ARSG: variants seen among roughly 807,000 people sequenced by gnomAD.
The protein encoded by ARSG is arylsulfatase G, also known as ASG.
In ARSG, 37 loss-of-function variants were observed where a neutral mutation model predicts 50.5. That is an observed-to-expected ratio of 0.73 (90% CI 0.56 to 0.96). ARSG has a LOEUF of 0.96. Among genes scored for constraint, ARSG ranks in the 50% least tolerant of loss-of-function variants. The pLI, the probability that ARSG is intolerant of heterozygous loss-of-function variation, is 0.00. For synonymous variants in ARSG, 225 were observed against 254.6 expected, an observed-to-expected ratio of 0.88 and a Z score of 1.11; for missense variants, 629 against 675.3, an observed-to-expected ratio of 0.93 and a Z score of 0.76.
chr17:68,411,427 A>G (rs2081990101), intron 11 of ARSG, among the ~76,000 whole-genome samples: 2 of 152,236 alleles, frequency 1.3e-5, no homozygotes, highest in South Asian at 4.1e-4. Context: ...CATGTAGTTG[A>G]GCGGTTTTGA....
chr17:68,320,304 G>A (rs1176005972), intron 2 of ARSG, among the ~76,000 whole-genome samples: 1 of 151,102 alleles, frequency 6.6e-6, no homozygotes, highest in Admixed American at 6.6e-5. Context: ...AAAAAAAAAA[G>A]ATAGTGCCGT....
At chr17:68,433,375 T>C in the ARSG span, 1 of 1,176,126 alleles carries the variant, frequency 8.5e-7, no homozygotes, top group Non-Finnish European at 1.3e-6. Flanking sequence ...AGATTGGGTG[T>C]TCAGAAAGAA....
At chr17:68,449,120 AAGAC>A in the ARSG span, among the ~76,000 whole-genome samples, 73 of 152,374 alleles carry the variant, frequency 4.8e-4, no homozygotes, top group Middle Eastern at 3.4e-3. Context: ...AGTTTAGACA[AAGAC>A]AGAAGAAAAC....
At chr17:68,371,316 CAAAA>C (rs35873473) in intron 8 of ARSG, among the ~76,000 whole-genome samples, 2 of 86,184 alleles carry the variant, frequency 2.3e-5, no homozygotes, top group East Asian at 4.1e-4. Flanking sequence ...GACTCCGTCT[CAAAA>C]AAAAAAAAAA....
chr17:68,263,911 G>A (rs1264186874), intron 1 of ARSG, among the ~76,000 whole-genome samples: 4 of 152,074 alleles, frequency 2.6e-5, no homozygotes, highest in African/African-American at 9.7e-5. Context: ...AGGCTAGGGT[G>A]CAGTGGCGTG....
chr17:68,280,805 CAG>C (rs1434924977), intron 1 of ARSG, among the ~76,000 whole-genome samples: 1 of 152,112 alleles, frequency 6.6e-6, no homozygotes, highest in African/African-American at 2.4e-5. Context: ...TTAAGCTAAA[CAG>C]ATTCTGCGCA....
At chr17:68,388,548 G>C (rs758473303) in intron 9 of ARSG, among the ~76,000 whole-genome samples, 1 of 152,150 alleles carries the variant, frequency 6.6e-6, no homozygotes, top group East Asian at 1.9e-4. Flanking sequence ...CCTCTGCTCC[G>C]AATGAGGATC....
At chr17:68,285,895 G>T (rs1312218109) in intron 1 of ARSG, among the ~76,000 whole-genome samples, 1 of 152,074 alleles carries the variant, frequency 6.6e-6, no homozygotes, top group Non-Finnish European at 1.5e-5. Flanking sequence ...AAGTAGCTGG[G>T]ATTACAGACG....
intron 6 of ARSG, 139 bp downstream of exon 6, chr17:68,356,943 C>T: frequency 9.6e-7 from 1 of 1,040,708 alleles, no homozygotes; most frequent in Non-Finnish European, 1.4e-6. Context: ...ATACATGTCT[C>T]CTATAAGTAA....
intron 1 of ARSG, among the ~76,000 whole-genome samples, chr17:68,279,499 G>A (rs2075626468): frequency 6.6e-6 from 1 of 152,074 alleles, no homozygotes. Flanking sequence ...TAGTATATTA[G>A]CAATTGAATT....
At chr17:68,294,909 T>A (rs782628311) in intron 1 of ARSG, among the ~76,000 whole-genome samples, 3 of 152,058 alleles carry the variant, frequency 2.0e-5, no homozygotes, top group Non-Finnish European at 4.4e-5. Context: ...AACACACACT[T>A]CTGGGAGAAT....
chr17:68,315,699 C>T (rs2077044172), intron 2 of ARSG, among the ~76,000 whole-genome samples: 1 of 152,096 alleles, frequency 6.6e-6, no homozygotes, highest in Admixed American at 6.6e-5. Context: ...GTGGCGCGAT[C>T]TTGGCTCACT....
downstream of ARSG, chr17:68,421,720 C>A: frequency 6.2e-7 from 1 of 1,613,586 alleles, no homozygotes; most frequent in Non-Finnish European, 8.5e-7. Flanking sequence ...TCCTTGTTTT[C>A]TCCAAAACCA....
the ARSG span, among the ~76,000 whole-genome samples, chr17:68,443,161 A>G: frequency 1.3e-5 from 2 of 152,048 alleles, no homozygotes; most frequent in Non-Finnish European, 2.9e-5. Context: ...CCCAGGCTGG[A>G]GTGCAGTGGT....
At chr17:68,409,273 T>G (rs1470337044) in intron 11 of ARSG, among the ~76,000 whole-genome samples, 3 of 143,450 alleles carry the variant, frequency 2.1e-5, no homozygotes, top group Non-Finnish European at 4.5e-5. Flanking sequence ...TTTAAGTCTT[T>G]AATCCATCTT....
chr17:68,391,717 G>A (rs931369959), intron 9 of ARSG, among the ~76,000 whole-genome samples: 6 of 152,128 alleles, frequency 3.9e-5, no homozygotes, highest in African/African-American at 9.7e-5. Context: ...TTTGCTTTCC[G>A]GTATGTGGCA....
chr17:68,424,524 G>C (rs765045345), downstream of ARSG: 49 of 533,658 alleles, frequency 9.2e-5, no homozygotes, highest in Middle Eastern at 6.3e-4. Flanking sequence ...CATTGTTTCA[G>C]TGCCCAAGTG....
chr17:68,437,016 A>ATATATATATG, the ARSG span, among the ~76,000 whole-genome samples: 18 of 144,578 alleles, frequency 1.2e-4, no homozygotes, highest in Non-Finnish European at 2.0e-4. Flanking sequence ...ATATATATAT[A>ATATATATATG]TGTGTGTGTG....
At chr17:68,302,498 G>A (rs1053225131) in intron 1 of ARSG, among the ~76,000 whole-genome samples, 6 of 152,272 alleles carry the variant, frequency 3.9e-5, no homozygotes, top group African/African-American at 1.4e-4. Context: ...GGAAGCCCAA[G>A]GACTTCAGCT....
Sources: gnomAD v4.1 joint callset for allele counts (sites outside exome capture counted in the v4.1 genomes callset) on GRCh38, gnomAD v4.1.1 for gene constraint, MANE v1.5 for transcripts, NCBI Gene and HGNC (gene_info 2026-07-23, HGNC 2026-07-21) for gene names.